CSMD1: variants seen among roughly 807,000 people sequenced by gnomAD.
The protein encoded by CSMD1 is CUB and Sushi multiple domains 1.
CSMD1 carries 213 observed loss-of-function variants against 417.5 expected under a neutral mutation model. The observed-to-expected ratio is 0.51, with a 90% CI of 0.46 to 0.57. CSMD1 has a LOEUF of 0.57. Among genes scored for constraint, CSMD1 ranks in the 20% least tolerant of loss-of-function variants. The probability of loss-of-function intolerance (pLI) is 0.00; values close to 1 mark genes in which losing one functional copy is unlikely to be tolerated. For missense variants in CSMD1, 6,923 were observed against 4,529.7 expected (o/e 1.53, Z -15.17); for synonymous variants, 2,862 against 1,736.8 (o/e 1.65, Z -16.11).
At chr8:4,784,550 T>C (rs768721345) in intron 1 of CSMD1, among the ~76,000 whole-genome samples, 2 of 152,234 alleles carry the variant, frequency 1.3e-5, no homozygotes, top group African/African-American at 2.4e-5. Flanking sequence ...TAAGATTTAG[T>C]TTTTTCTACC....
At chr8:3,437,854 T>C (rs1446497799) in intron 12 of CSMD1, among the ~76,000 whole-genome samples, 1 of 151,982 alleles carries the variant, frequency 6.6e-6, no homozygotes, top group African/African-American at 2.4e-5. Context: ...TTCAAGCAAT[T>C]CTCTTGTTTC....
chr8:3,718,111 A>C (rs1414589226), intron 6 of CSMD1, among the ~76,000 whole-genome samples: 1 of 152,236 alleles, frequency 6.6e-6, no homozygotes, highest in Non-Finnish European at 1.5e-5. Context: ...CATTTAAAAT[A>C]ATGCGCTATT....
At chr8:4,118,278 A>G (rs1278231939) in intron 3 of CSMD1, among the ~76,000 whole-genome samples, 1 of 152,172 alleles carries the variant, frequency 6.6e-6, no homozygotes, top group East Asian at 1.9e-4. Context: ...AGAAATGCTC[A>G]CATGTGAAGA....
chr8:4,320,054 A>G (rs574175957), intron 3 of CSMD1, among the ~76,000 whole-genome samples: 1 of 152,232 alleles, frequency 6.6e-6, no homozygotes, highest in African/African-American at 2.4e-5. Flanking sequence ...AGTAGTAAAC[A>G]AAAGACTTCG....
intron 2 of CSMD1, among the ~76,000 whole-genome samples, chr8:4,448,035 C>G (rs1253487829): frequency 6.6e-6 from 1 of 152,160 alleles, no homozygotes; most frequent in African/African-American, 2.4e-5. Context: ...AGTGGTTCCG[C>G]ATGAGGTTTC....
At chr8:4,403,095 T>C (rs1429524830) in intron 3 of CSMD1, among the ~76,000 whole-genome samples, 1 of 152,122 alleles carries the variant, frequency 6.6e-6, no homozygotes, top group Non-Finnish European at 1.5e-5. Context: ...CCTCCCAAAG[T>C]GCTGGGATTA....
chr8:3,881,194 C>T (rs1278142691), intron 5 of CSMD1, among the ~76,000 whole-genome samples: 2 of 151,408 alleles, frequency 1.3e-5, no homozygotes, highest in Non-Finnish European at 2.9e-5. Flanking sequence ...CAATTCTCTA[C>T]AAATGTATTA....
At position 4,120,571 on chromosome 8, in the gene CSMD1, C is replaced by A. The variant is rs369027163; in HGVS notation, c.416-88472G>T. Among the ~76,000 whole-genome samples, 15 of 152,316 alleles carry A rather than the reference C, an allele frequency of 9.8e-5. No individual in the cohort carries two copies. In the South Asian group the frequency reaches 3.1e-3, roughly 32 times the overall value. ...GATACCAAAACTGGCGACCGGGAGGCTTTCAAATGGCCTGTGGCCTCACAC... is the reference window on the plus strand; with the variant it reads ...GATACCAAAACTGGCGACCGGGAGGATTTCAAATGGCCTGTGGCCTCACAC... On this transcript the variant is annotated intron_variant, in intron 3 of 69. Coordinates refer to ENST00000635120, the MANE Select transcript of CSMD1 (RefSeq NM_033225.6).
At chr8:4,460,676 T>TCTC (rs199647814) in intron 2 of CSMD1, among the ~76,000 whole-genome samples, 10,522 of 152,192 alleles carry the variant, frequency 0.069, 29 homozygotes, top group African/African-American at 0.22. Context: ...GTAAGAGAAT[T>TCTC]TTATAAACAT....
chr8:4,309,149 T>G (rs571610426), intron 3 of CSMD1, among the ~76,000 whole-genome samples: 88 of 152,288 alleles, frequency 5.8e-4, no homozygotes, highest in African/African-American at 2.0e-3. Flanking sequence ...CACAGGCCAA[T>G]TCAACAACTT....
intron 26 of CSMD1, among the ~76,000 whole-genome samples, chr8:3,258,043 G>A (rs376437949): frequency 2.1e-4 from 32 of 152,294 alleles, no homozygotes; most frequent in Middle Eastern, 3.4e-3. Context: ...AGATGGTGTC[G>A]AGTAGACAGA....
chr8:3,109,817 A>G (rs1816383855), intron 43 of CSMD1, among the ~76,000 whole-genome samples: 1 of 151,534 alleles, frequency 6.6e-6, no homozygotes, highest in Non-Finnish European at 1.5e-5. Context: ...CGTAAGCCAC[A>G]CAGACATACA....
intron 46 of CSMD1, among the ~76,000 whole-genome samples, chr8:3,097,336 A>G (rs1013800808): frequency 2.6e-5 from 4 of 152,218 alleles, no homozygotes; most frequent in African/African-American, 4.8e-5. Context: ...ACAATGCAAG[A>G]TTTCCTAACT....
At chr8:4,067,278 T>C (rs1039667690) in intron 3 of CSMD1, among the ~76,000 whole-genome samples, 5 of 152,226 alleles carry the variant, frequency 3.3e-5, no homozygotes, top group Non-Finnish European at 5.9e-5. Context: ...ATAGCCGAGA[T>C]AGAATTTTTT....
chr8:4,853,084 A>T (rs1801580102), intron 1 of CSMD1, among the ~76,000 whole-genome samples: 2 of 152,200 alleles, frequency 1.3e-5, no homozygotes, highest in Admixed American at 6.5e-5. Flanking sequence ...TTTGCAGCCT[A>T]CCCATGTGGT....
intron 1 of CSMD1, among the ~76,000 whole-genome samples, chr8:4,654,467 G>T (rs1362687743): frequency 6.6e-6 from 1 of 152,064 alleles, no homozygotes; most frequent in Non-Finnish European, 1.5e-5. Flanking sequence ...GGAGCATGAA[G>T]CCTTTCTCTC....
At chr8:4,461,284 T>C (rs991076375) in intron 2 of CSMD1, among the ~76,000 whole-genome samples, 2 of 152,054 alleles carry the variant, frequency 1.3e-5, no homozygotes, top group African/African-American at 4.8e-5. Flanking sequence ...TTGTATTTAA[T>C]GAAATATTGA....
chr8:4,261,790 A>C (rs578129518), intron 3 of CSMD1, among the ~76,000 whole-genome samples: 1 of 152,214 alleles, frequency 6.6e-6, no homozygotes, highest in South Asian at 2.1e-4. Context: ...TTAGTTTGAT[A>C]ATGGTAATCA....
At chr8:4,783,180 T>G (rs1451457622) in intron 1 of CSMD1, among the ~76,000 whole-genome samples, 1 of 152,232 alleles carries the variant, frequency 6.6e-6, no homozygotes, top group Non-Finnish European at 1.5e-5. Flanking sequence ...TTGTAGATAG[T>G]TGAAATACAC....
Sources: gnomAD v4.1 joint callset for allele counts (sites outside exome capture counted in the v4.1 genomes callset) on GRCh38, gnomAD v4.1.1 for gene constraint, MANE v1.5 for transcripts, NCBI Gene and HGNC (gene_info 2026-07-23, HGNC 2026-07-21) for gene names.